ADCY2: variants seen among roughly 807,000 people sequenced by gnomAD.
The protein encoded by ADCY2 is adenylate cyclase 2.
A neutral mutation model predicts 125.2 loss-of-function variants in ADCY2; 31 were observed. The ratio of observed to expected loss-of-function variants is 0.25; its 90% CI spans 0.19 to 0.33. The LOEUF is 0.33. ADCY2 is among the 10% of genes least tolerant of loss of function. ADCY2 has a pLI of 1.00. For synonymous variants in ADCY2, 512 were observed against 548.4 expected, an observed-to-expected ratio of 0.93 and a Z score of 0.93; for missense variants, 904 against 1,418.2, an observed-to-expected ratio of 0.64 and a Z score of 5.82.
intron 2 of ADCY2, among the ~76,000 whole-genome samples, chr5:7,482,566 G>T (rs1489491263): frequency 6.6e-6 from 1 of 151,942 alleles, no homozygotes; most frequent in Non-Finnish European, 1.5e-5. Flanking sequence ...ATGCACAACA[G>T]TATGGAGGTT....
intron 4 of ADCY2, among the ~76,000 whole-genome samples, chr5:7,671,390 C>A (rs1421755027): frequency 6.6e-6 from 1 of 152,122 alleles, no homozygotes; most frequent in Non-Finnish European, 1.5e-5. Context: ...CAAACATATT[C>A]AGTGGTTTTT....
chr5:7,782,611 C>T (rs1743953727), intron 18 of ADCY2, among the ~76,000 whole-genome samples: 1 of 152,178 alleles, frequency 6.6e-6, no homozygotes, highest in African/African-American at 2.4e-5. Flanking sequence ...AAGGGGATGT[C>T]ATAGATGCTT....
chr5:7,527,121 T>C (rs2126540844), intron 3 of ADCY2, among the ~76,000 whole-genome samples: 1 of 152,270 alleles, frequency 6.6e-6, no homozygotes. Flanking sequence ...GAAACCCTTC[T>C]CTCCACCCAC....
At chr5:7,792,921 CG>C (rs1319910532) in intron 20 of ADCY2, among the ~76,000 whole-genome samples, 1 of 152,180 alleles carries the variant, frequency 6.6e-6, no homozygotes, top group Middle Eastern at 3.2e-3. Flanking sequence ...CCAGGTGAGG[CG>C]GGCATTTCAC....
At chr5:7,511,661 G>C (rs572655922) in intron 2 of ADCY2, among the ~76,000 whole-genome samples, 1 of 152,260 alleles carries the variant, frequency 6.6e-6, no homozygotes, top group African/African-American at 2.4e-5. Flanking sequence ...TCTCTCTGGG[G>C]AGGTGACAAT....
intron 16 of ADCY2, among the ~76,000 whole-genome samples, chr5:7,759,580 GGT>G (rs1743130217): frequency 6.6e-6 from 1 of 152,188 alleles, no homozygotes; most frequent in East Asian, 1.9e-4. Context: ...CTTCTTCTTA[GGT>G]GTTTGCATCA....
intron 24 of ADCY2, among the ~76,000 whole-genome samples, chr5:7,821,726 C>T (rs772729161): frequency 5.3e-5 from 8 of 152,102 alleles, no homozygotes; most frequent in East Asian, 1.9e-4. Context: ...CTGGAGAACT[C>T]GATTTTCAGA....
chr5:7,783,712 G>C (rs954470478), intron 18 of ADCY2, among the ~76,000 whole-genome samples: 15 of 152,174 alleles, frequency 9.9e-5, no homozygotes, highest in African/African-American at 3.6e-4. Flanking sequence ...AAGGATGTGT[G>C]GGTGCTCACT....
At chr5:7,487,830 A>T (rs982227419) in intron 2 of ADCY2, among the ~76,000 whole-genome samples, 2 of 152,156 alleles carry the variant, frequency 1.3e-5, no homozygotes, top group African/African-American at 4.8e-5. Context: ...ATCTAAATTG[A>T]TTTCTTTGTT....
At chr5:7,413,087 A>G (rs1739787136) in intron 1 of ADCY2, among the ~76,000 whole-genome samples, 1 of 152,134 alleles carries the variant, frequency 6.6e-6, no homozygotes, top group Non-Finnish European at 1.5e-5. Context: ...TTGGGAACCA[A>G]GACTCCGTGT....
chr5:7,820,464 A>C, intron 23 of ADCY2, 101 bp from the exon 24 acceptor site: 1 of 1,451,810 alleles, frequency 6.9e-7, no homozygotes, highest in Non-Finnish European at 9.2e-7. Context: ...ACTGCACTCC[A>C]GCCTGGGTGA....
At chr5:7,411,014 G>A (rs923793158) in intron 1 of ADCY2, among the ~76,000 whole-genome samples, 2 of 152,156 alleles carry the variant, frequency 1.3e-5, no homozygotes, top group African/African-American at 4.8e-5. Flanking sequence ...TAAGAAAAAT[G>A]CATGATGCAG....
At chr5:7,699,080 C>CTTTTTTT (rs1740989782) in intron 7 of ADCY2, among the ~76,000 whole-genome samples, 1 of 36,570 alleles carries the variant, frequency 2.7e-5, no homozygotes. Context: ...CAACAGTAAG[C>CTTTTTTT]ATTTTTTTTT....
chr5:7,466,719 G>A (rs1178039906), intron 2 of ADCY2, among the ~76,000 whole-genome samples: 1 of 152,192 alleles, frequency 6.6e-6, no homozygotes, highest in Non-Finnish European at 1.5e-5. Flanking sequence ...AGGTAAAAAT[G>A]TAAATAATAG....
chr5:7,821,744 C>T (rs1745309416), intron 24 of ADCY2, among the ~76,000 whole-genome samples: 1 of 152,170 alleles, frequency 6.6e-6, no homozygotes, highest in Admixed American at 6.5e-5. Context: ...AGACGACAGG[C>T]TGTGTGAGTA....
intron 3 of ADCY2, among the ~76,000 whole-genome samples, chr5:7,541,461 C>T (rs1734994903): frequency 6.6e-6 from 1 of 152,194 alleles, no homozygotes; most frequent in Non-Finnish European, 1.5e-5. Context: ...TAGAGGGTGT[C>T]TGTCTTTGAG....
intron 16 of ADCY2, among the ~76,000 whole-genome samples, chr5:7,764,531 C>T (rs1274198357): frequency 2.0e-5 from 3 of 152,120 alleles, no homozygotes; most frequent in African/African-American, 7.2e-5. Flanking sequence ...ACTAAAGCAC[C>T]TGTTCACAAT....
Position 7,827,629 on chromosome 5 carries a change from A to G in ADCY2, c.*758A>G, listed in dbSNP as rs183803240. 6.6e-6 allele frequency: 1 copy of G among 152,456 alleles called. No individual in the cohort carries two copies. Among genetic ancestry groups the G allele is most frequent in the East Asian group, 1.9e-4 (1 of 5,330 alleles). The allele number at this position is 152,456 out of a possible 1,614,324, so 9.4% of individuals were successfully genotyped here. A position where few individuals can be genotyped will look rare whatever the true frequency, so the allele number is the denominator to read the frequency against. ...TTCCATCCATTCTCCCTTTTGACACAGTTGTTTCAGAAAGAGCTCTCCAGA... is the reference window on the plus strand; with the variant it reads ...TTCCATCCATTCTCCCTTTTGACACGGTTGTTTCAGAAAGAGCTCTCCAGA... On this transcript the variant is annotated 3_prime_UTR_variant, in exon 25 of 25. Transcript: ENST00000338316.
At chr5:7,516,165 T>C (rs893924577) in intron 2 of ADCY2, among the ~76,000 whole-genome samples, 1 of 152,152 alleles carries the variant, frequency 6.6e-6, no homozygotes, top group Non-Finnish European at 1.5e-5. Flanking sequence ...GGGGAAATAC[T>C]AGAGTCAAAG....
Sources: gnomAD v4.1 joint callset for allele counts (sites outside exome capture counted in the v4.1 genomes callset) on GRCh38, gnomAD v4.1.1 for gene constraint, MANE v1.5 for transcripts, NCBI Gene and HGNC (gene_info 2026-07-23, HGNC 2026-07-21) for gene names.